The following TBCD variants were observed in gnomAD, a reference collection of about 807,000 sequenced individuals.
TBCD encodes the protein tubulin-specific chaperone D.
Under a neutral mutation model 169.3 loss-of-function variants are expected in TBCD, and 105 were observed. That is an observed-to-expected ratio of 0.62 (90% confidence interval 0.53 to 0.73). The LOEUF is 0.73. TBCD is among the 30% of genes least tolerant of loss of function. TBCD has a pLI of 0.00. For missense variants in TBCD, 1,444 were observed against 1,600.1 expected, an observed-to-expected ratio of 0.90 and a Z score of 1.66; for synonymous variants, 700 against 643.9, an observed-to-expected ratio of 1.09 and a Z score of -1.32.
intron 7 of TBCD, among the ~76,000 whole-genome samples, chr17:82,784,057 G>A (rs1371856901): frequency 6.6e-6 from 1 of 152,058 alleles, no homozygotes; most frequent in South Asian, 2.1e-4. Context: ...CCTGGGAGGC[G>A]GAGGTTGAGT....
In TBCD at chr17:82,806,739, T is replaced by C. The variant is rs655652; in HGVS notation, c.1087+728T>C. Among the ~76,000 whole-genome samples, 72,544 of 151,958 alleles carry C rather than the reference T, an allele frequency of 0.48. 18,186 individuals carry two copies. The highest frequency in any genetic ancestry group is 0.64 in the African/African-American group (26,364 of 41,450). Reference sequence around the variant, plus strand: ...CAGGGCAGGTTTCTCCCCAGTCATCTGCACCCCACCTCGACCGTGACCATC... The same window carrying C: ...CAGGGCAGGTTTCTCCCCAGTCATCCGCACCCCACCTCGACCGTGACCATC... On this transcript the variant is annotated intron_variant, in intron 10 of 38. Coordinates refer to ENST00000355528, the MANE Select transcript of TBCD (RefSeq NM_005993.5). The surrounding 1 kb of genome is among the most constrained non-coding windows in gnomAD (Gnocchi z 5.1).
At chr17:82,902,167 C>A (rs752257820) in intron 18 of TBCD, among the ~76,000 whole-genome samples, 1 of 152,122 alleles carries the variant, frequency 6.6e-6, no homozygotes, top group East Asian at 1.9e-4. Context: ...TTTATCTTTG[C>A]GGAACGGCCC....
intron 17 of TBCD, among the ~76,000 whole-genome samples, chr17:82,897,965 G>A (rs1355623869): frequency 6.6e-6 from 1 of 151,390 alleles, no homozygotes; most frequent in Non-Finnish European, 1.5e-5. Context: ...CACACGTCAC[G>A]GCTCTGTTCT....
rs143658165 is a variant in TBCD, at chr17:82,932,880, C to T, written c.3191+145C>T. 8.1e-5 allele frequency: 57 copies of T among 702,202 alleles called. No individual in the cohort carries two copies. The Middle Eastern group carries it at 2.1e-3, about 26-fold the overall frequency. 43.5% of individuals were successfully genotyped at this position (702,202 alleles called of 1,614,324 possible). On this transcript the variant is annotated intron_variant, in intron 34 of 38. Transcript: ENST00000355528. The stretch of plus-strand genomic sequence containing the variant: ...GGTCAGTTATGGTGACTGTAAATAC[C>T]GTCATCACAGCTGGCCCTCAAAATA...
At chr17:82,860,283 C>A in intron 13 of TBCD, 2 of 824,194 alleles carry the variant, frequency 2.4e-6, no homozygotes, top group Non-Finnish European at 2.9e-6. Context: ...CAGGGAGGGC[C>A]CCCGCCCCCT....
At position 82,830,324 on chromosome 17, in the gene TBCD, G is replaced by C. The variant is rs144194892; in HGVS notation, c.1318+15390G>C. 62 of 1,614,088 alleles carry C rather than the reference G, an allele frequency of 3.8e-5. No individual in the cohort carries two copies. In the African/African-American group the frequency reaches 7.5e-4, roughly 19 times the overall value. ...GAGCTCAGTGTGGGTGTGTCTTGCCGGCAGGCAGGTTCCGGGGCCGCAGCA... is the reference window on the plus strand; with the variant it reads ...GAGCTCAGTGTGGGTGTGTCTTGCCCGCAGGCAGGTTCCGGGGCCGCAGCA... On this transcript the variant is annotated intron_variant, in intron 13 of 38. Coordinates refer to ENST00000355528, the MANE Select transcript of TBCD (RefSeq NM_005993.5).
chr17:82,906,708 G>A (rs2060272935), intron 20 of TBCD, among the ~76,000 whole-genome samples: 1 of 152,232 alleles, frequency 6.6e-6, no homozygotes, highest in South Asian at 2.1e-4. Flanking sequence ...CATGCCCTGT[G>A]CTGGAGACAG....
intron 11 of TBCD, 106 bp from the exon 12 acceptor site, chr17:82,809,601 TG>T: frequency 8.1e-7 from 1 of 1,242,158 alleles, no homozygotes; most frequent in Non-Finnish European, 1.1e-6. Flanking sequence ...TCTTCTCTCC[TG>T]GTCTCTGGAG....
chr17:82,939,294 C>A, intron 36 of TBCD, 73 bp from the exon 37 acceptor site: 1 of 1,254,812 alleles, frequency 8.0e-7, no homozygotes, highest in Non-Finnish European at 1.1e-6. Flanking sequence ...GCTCCCTGGC[C>A]TGGGTCCTGT....
chr17:82,818,950 C>T (rs756653064), intron 13 of TBCD, among the ~76,000 whole-genome samples: 149 of 152,020 alleles, frequency 9.8e-4, no homozygotes, highest in Non-Finnish European at 1.6e-3. Flanking sequence ...CCCAGCTACT[C>T]GGGAGGCTGA....
chr17:82,880,034 G>T lies in TBCD; in HGVS notation c.1476-4111G>T, dbSNP rs182913655. Among the ~76,000 whole-genome samples, 43 of 152,202 alleles carry T rather than the reference G, an allele frequency of 2.8e-4. No individual in the cohort carries two copies. Among genetic ancestry groups the T allele is most frequent in the Non-Finnish European group, 5.4e-4 (37 of 68,020 alleles). On this transcript the variant is annotated intron_variant, in intron 14 of 38. Coordinates refer to ENST00000355528, the MANE Select transcript of TBCD (RefSeq NM_005993.5). This position sits in a 1 kb window ranked among gnomAD's most constrained non-coding sequence, Gnocchi z 5.0. ...CTGCTTGAGTTGCCCGCATTCCTTTGCTCATGGGCTCTTCATCTACCTTCA... is the reference window on the plus strand; with the variant it reads ...CTGCTTGAGTTGCCCGCATTCCTTTTCTCATGGGCTCTTCATCTACCTTCA...
intron 13 of TBCD, chr17:82,858,473 G>A (rs2056497318): frequency 7.8e-6 from 5 of 638,272 alleles, no homozygotes; most frequent in Admixed American, 6.3e-5. Flanking sequence ...TAAAATGCAG[G>A]TTGGCCAGTC....
At chr17:82,763,046 G>C (rs1306883621) in intron 2 of TBCD, among the ~76,000 whole-genome samples, 1 of 152,168 alleles carries the variant, frequency 6.6e-6, no homozygotes, top group Non-Finnish European at 1.5e-5. Flanking sequence ...TTGTTGGGTA[G>C]ATTGTTCTCT....
intron 13 of TBCD, among the ~76,000 whole-genome samples, chr17:82,852,082 C>T (rs772450500): frequency 1.6e-4 from 24 of 152,090 alleles, no homozygotes; most frequent in Non-Finnish European, 2.2e-4. Context: ...TTGCAGCCAT[C>T]GCCACAGTCA....
chr17:82,846,304 A>C (rs2055078884), intron 13 of TBCD, among the ~76,000 whole-genome samples: 1 of 135,866 alleles, frequency 7.4e-6, no homozygotes, highest in Admixed American at 7.2e-5. Flanking sequence ...TGCCCCCTCC[A>C]CGTGCTGCGT....
In TBCD at chr17:82,940,958, TA is replaced by T. The variant is rs199798632; in HGVS notation, c.3480-430del. 4.3e-3 allele frequency among the ~76,000 whole-genome samples: 642 copies of T among 147,816 alleles called. 3 individuals are homozygous for T. The highest frequency in any genetic ancestry group is 0.014 in the African/African-American group (575 of 40,584). ...TCCTATCGTTTAATCCCCTTTCTGTTAAAAAAAAAAATCCTTAGAATTTAAA... is the reference window on the plus strand; with the variant it reads ...TCCTATCGTTTAATCCCCTTTCTGTTAAAAAAAAAATCCTTAGAATTTAAA... On this transcript the variant is annotated intron_variant, in intron 37 of 38. Transcript: ENST00000355528.
At position 82,930,647 on chromosome 17, in the gene TBCD, AGTGGT is replaced by A. The variant is rs1260865127; in HGVS notation, c.3113+7_3113+11del. 4.3e-6 allele frequency: 7 copies of A among 1,613,902 alleles called. No homozygotes were observed. Among genetic ancestry groups the A allele is most frequent in the Admixed American group, 3.3e-5 (2 of 60,020 alleles). On this transcript the variant is annotated splice_donor_5th_base_variant and intron_variant, in intron 33 of 38. Coordinates refer to ENST00000355528, the MANE Select transcript of TBCD (RefSeq NM_005993.5). This position sits in a 1 kb window ranked among gnomAD's most constrained non-coding sequence, Gnocchi z 5.2. Reference sequence around the variant, plus strand: ...AGGACAACCTTCTGAATGAGAGGTGAGTGGTGTCTCTTGGGGCCTCAGAGGCGTGA... The same window carrying A: ...AGGACAACCTTCTGAATGAGAGGTGAGTCTCTTGGGGCCTCAGAGGCGTGA...
At chr17:82,941,007 GA>G (rs1033040636) in intron 37 of TBCD, among the ~76,000 whole-genome samples, 97 of 152,208 alleles carry the variant, frequency 6.4e-4, no homozygotes, top group African/African-American at 2.3e-3. Flanking sequence ...AATTAGAAAC[GA>G]AAAACATGCC....
intron 6 of TBCD, among the ~76,000 whole-genome samples, chr17:82,774,038 C>CTTTTTTTTTTTTTT (rs34066502): frequency 7.2e-6 from 1 of 138,536 alleles, no homozygotes; most frequent in African/African-American, 2.7e-5. Context: ...CCGAGTGTGT[C>CTTTTTTTTTTTTTT]TTTTTTTTTT....
Sources: gnomAD v4.1 joint callset for allele counts (sites outside exome capture counted in the v4.1 genomes callset) on GRCh38, gnomAD v4.1.1 for gene constraint, Gnocchi (gnomAD v3.1) non-coding constraint, MANE v1.5 for transcripts, NCBI Gene and HGNC (gene_info 2026-07-23, HGNC 2026-07-21) for gene names.